Variants in PLD5 observed in about 807,000 individuals in gnomAD.
PLD5 encodes inactive phospholipase D5.
A neutral mutation model predicts 61.1 loss-of-function variants in PLD5; 36 were observed. The ratio of observed to expected loss-of-function variants is 0.59; its 90% CI spans 0.45 to 0.78. The LOEUF (loss-of-function observed/expected upper bound fraction) is 0.78, where lower values mean the gene tolerates loss of function less well. PLD5 is among the 30% of genes least tolerant of loss of function. The pLI is 0.00. For missense variants in PLD5, 515 were observed against 644.4 expected (o/e 0.80, Z 2.17); for synonymous variants, 243 against 242.8 (o/e 1.00, Z -0.01).
intron 3 of PLD5, among the ~76,000 whole-genome samples, chr1:242,284,147 T>A (rs1674885139): frequency 9.9e-6 from 1 of 101,372 alleles, no homozygotes; most frequent in Non-Finnish European, 1.9e-5. Flanking sequence ...TTTTTTTTTT[T>A]TTTATAGATA....
In PLD5 at chr1:242,376,768, T is replaced by C. The variant is rs1293986041; in HGVS notation, c.190-28526A>G. ...TGTTTTAATACTTATCGAGGATATA[T>C]ACGACGAGGTGAAGGAAGGTACGTT... On this transcript the variant is annotated intron_variant, in intron 1 of 9. Transcript: ENST00000536534. 3.3e-5 allele frequency among the ~76,000 whole-genome samples: 5 copies of C among 152,322 alleles called. No individual in the cohort carries two copies. The East Asian group carries it at 9.6e-4, about 29-fold the overall frequency.
rs572834747 is a variant in PLD5 at position 242,238,245 on chromosome 1, G to A, written c.608-18130C>T. ...TAAAAGCAATTCTGATCAAGACAAT[G>A]CAGAGTCCTGAAAACAATAAAACAC... On this transcript the variant is annotated intron_variant, in intron 4 of 9. Transcript: ENST00000536534. 2.0e-5 allele frequency among the ~76,000 whole-genome samples: 3 copies of A among 152,260 alleles called. No individual in the cohort carries two copies. In the East Asian group the frequency reaches 5.8e-4, roughly 29 times the overall value.
Position 242,294,525 on chromosome 1 carries a change from TATG to T in PLD5, c.327-5998_327-5996del, listed in dbSNP as rs199727007. On this transcript the variant is annotated intron_variant, in intron 2 of 9. Coordinates refer to ENST00000536534, the MANE Select transcript of PLD5 (RefSeq NM_001372062.1). ...GGTAAACAGAAGAATCTTTATAAAA[TATG>T]ATACCTTCATACTTGATTTTGGCAT... Among the ~76,000 whole-genome samples, 333 of 152,292 alleles carry T rather than the reference TATG, an allele frequency of 2.2e-3. 4 individuals carry two copies. Among genetic ancestry groups the T allele is most frequent in the East Asian group, 0.017 (88 of 5,176 alleles).
intron 3 of PLD5, among the ~76,000 whole-genome samples, chr1:242,272,577 A>G (rs1674154938): frequency 1.3e-5 from 2 of 152,174 alleles, no homozygotes; most frequent in Admixed American, 6.5e-5. Flanking sequence ...TTAGCAACAA[A>G]TCATTTACAT....
At chr1:242,333,536 T>C (rs1282780091) in intron 2 of PLD5, among the ~76,000 whole-genome samples, 2 of 152,104 alleles carry the variant, frequency 1.3e-5, no homozygotes, top group Admixed American at 1.3e-4. Context: ...TACCAGGGAC[T>C]GGTTACGGGA....
At chr1:242,319,845 C>T (rs1233883948) in intron 2 of PLD5, among the ~76,000 whole-genome samples, 1 of 152,224 alleles carries the variant, frequency 6.6e-6, no homozygotes, top group Non-Finnish European at 1.5e-5. Flanking sequence ...CCTCTACCCC[C>T]TCTCACATGT....
chr1:242,456,211 G>A (rs1454738108), intron 1 of PLD5, among the ~76,000 whole-genome samples: 1 of 152,198 alleles, frequency 6.6e-6, no homozygotes, highest in Non-Finnish European at 1.5e-5. Context: ...GTTCCATTCA[G>A]TGACTCTGAG....
At chr1:242,239,559 A>G (rs1671861639) in intron 4 of PLD5, among the ~76,000 whole-genome samples, 1 of 152,212 alleles carries the variant, frequency 6.6e-6, no homozygotes, top group South Asian at 2.1e-4. Flanking sequence ...ACATGATTAC[A>G]CAAGACCAAA....
At chr1:242,268,240 CTCGTGG>C (rs1286920493) in intron 3 of PLD5, among the ~76,000 whole-genome samples, 10 of 152,098 alleles carry the variant, frequency 6.6e-5, no homozygotes, top group African/African-American at 2.4e-4. Context: ...CGAACCTAAA[CTCGTGG>C]TCATCTCACG....
At chr1:242,100,616 A>G in intron 9 of PLD5, 52 bp downstream of exon 9, 1 of 1,350,158 alleles carries the variant, frequency 7.4e-7, no homozygotes, top group Non-Finnish European at 1.1e-6. Context: ...CAGCTGGACT[A>G]CCACTCCCTG....
upstream of PLD5, among the ~76,000 whole-genome samples, chr1:242,527,600 T>A (rs1669478470): frequency 6.6e-6 from 1 of 152,200 alleles, no homozygotes; most frequent in South Asian, 2.1e-4. Context: ...AGTGCCAGAC[T>A]CAATGAACCC....
At chr1:242,255,348 A>C (rs1297147555) in intron 4 of PLD5, among the ~76,000 whole-genome samples, 1 of 152,264 alleles carries the variant, frequency 6.6e-6, no homozygotes, top group Non-Finnish European at 1.5e-5. Context: ...AGATTTTGGA[A>C]TAATTATAAA....
intron 3 of PLD5, among the ~76,000 whole-genome samples, chr1:242,280,988 A>G (rs1193871857): frequency 6.6e-6 from 1 of 152,218 alleles, no homozygotes; most frequent in South Asian, 2.1e-4. Context: ...AGAAAGGACA[A>G]GTAGGCTTAG....
At chr1:242,260,295 C>A (rs1348890759) in intron 4 of PLD5, among the ~76,000 whole-genome samples, 1 of 150,638 alleles carries the variant, frequency 6.6e-6, no homozygotes, top group Non-Finnish European at 1.5e-5. Context: ...TGCAGTGAGC[C>A]GAGATGGCAC....
intron 1 of PLD5, among the ~76,000 whole-genome samples, chr1:242,505,978 C>T (rs1668706114): frequency 6.6e-6 from 1 of 152,204 alleles, no homozygotes; most frequent in Non-Finnish European, 1.5e-5. Context: ...ATAGCACTTG[C>T]TGCAGACTGT....
chr1:242,166,877 G>A (rs565482084), intron 5 of PLD5, among the ~76,000 whole-genome samples: 2 of 152,188 alleles, frequency 1.3e-5, no homozygotes, highest in South Asian at 4.1e-4. Flanking sequence ...TATATTTTAT[G>A]AGCCACTGTA....
chr1:242,155,748 C>T (rs748908791), intron 5 of PLD5, among the ~76,000 whole-genome samples: 1 of 152,136 alleles, frequency 6.6e-6, no homozygotes, highest in Non-Finnish European at 1.5e-5. Flanking sequence ...TTTGCATTTG[C>T]TGAGGAGTGT....
At chr1:242,175,401 C>A (rs1465917687) in intron 5 of PLD5, among the ~76,000 whole-genome samples, 1 of 152,122 alleles carries the variant, frequency 6.6e-6, no homozygotes, top group Non-Finnish European at 1.5e-5. Flanking sequence ...ATTCAACACC[C>A]CTTCATACTA....
At chr1:242,443,871 C>T (rs1424085953) in intron 1 of PLD5, among the ~76,000 whole-genome samples, 1 of 152,124 alleles carries the variant, frequency 6.6e-6, no homozygotes, top group Non-Finnish European at 1.5e-5. Context: ...CCTAGGACTT[C>T]CATTTATTGC....
Sources: gnomAD v4.1 joint callset for allele counts (sites outside exome capture counted in the v4.1 genomes callset) on GRCh38, gnomAD v4.1.1 for gene constraint, MANE v1.5 for transcripts, NCBI Gene and HGNC (gene_info 2026-07-23, HGNC 2026-07-21) for gene names.